LRP1B: variants seen among roughly 807,000 people sequenced by gnomAD.
LRP1B encodes the protein low-density lipoprotein receptor-related protein 1B.
LRP1B carries 217 observed loss-of-function variants against 556.6 expected under a neutral mutation model. That is an observed-to-expected ratio of 0.39 (90% CI 0.35 to 0.44). LRP1B has a LOEUF of 0.44. LRP1B is among the 20% of genes least tolerant of loss of function. LRP1B has a pLI of 1.00. For synonymous variants in LRP1B, 2,047 were observed against 1,865.8 expected, an observed-to-expected ratio of 1.10 and a Z score of -2.50; for missense variants, 5,053 against 5,620.8, an observed-to-expected ratio of 0.90 and a Z score of 3.23.
chr2:140,841,747 T>C (rs1692112055), intron 29 of LRP1B, among the ~76,000 whole-genome samples: 3 of 152,170 alleles, frequency 2.0e-5, no homozygotes, highest in Admixed American at 2.0e-4. Flanking sequence ...GAATTAGACA[T>C]CTTTTAAAAC....
chr2:141,212,073 C>T (rs1317165919), intron 6 of LRP1B, among the ~76,000 whole-genome samples: 1 of 151,704 alleles, frequency 6.6e-6, no homozygotes, highest in Non-Finnish European at 1.5e-5. Flanking sequence ...TATAAAATTG[C>T]AATTAATTAA....
intron 3 of LRP1B, among the ~76,000 whole-genome samples, chr2:141,265,078 G>A (rs558518141): frequency 1.6e-4 from 24 of 152,260 alleles, no homozygotes; most frequent in Admixed American, 5.2e-4. Flanking sequence ...AGATGAGAGG[G>A]GCCACAAACT....
intron 2 of LRP1B, among the ~76,000 whole-genome samples, chr2:141,584,281 T>C (rs1246166438): frequency 6.6e-6 from 1 of 151,912 alleles, no homozygotes; most frequent in East Asian, 1.9e-4. Flanking sequence ...TTTTTTCAAC[T>C]ACCATCTAGG....
chr2:141,235,348 A>G (rs1409981045), intron 5 of LRP1B, among the ~76,000 whole-genome samples: 1 of 152,142 alleles, frequency 6.6e-6, no homozygotes, highest in Admixed American at 6.6e-5. Context: ...ACAATCAAGT[A>G]GAAAGTTTAA....
Position 140,656,659 on chromosome 2 carries a change from A to G in LRP1B, c.6799+43591T>C, listed in dbSNP as rs187276165. 2.1e-4 allele frequency among the ~76,000 whole-genome samples: 32 copies of G among 152,194 alleles called. No individual in the cohort carries two copies. The East Asian group carries it at 5.0e-3, about 24-fold the overall frequency. ...CTTCTGATTTTTCTGCTTGTATTAG[A>G]TGTGCAAGTGTATGTCTGTGTATCT... On this transcript the variant is annotated intron_variant, in intron 41 of 90. Transcript: ENST00000389484.
chr2:140,475,440 C>T (rs946040070), intron 59 of LRP1B, 103 bp from the exon 60 acceptor site: 1 of 809,824 alleles, frequency 1.2e-6, no homozygotes, highest in Non-Finnish European at 1.8e-6. Flanking sequence ...ATTAATCTTG[C>T]CATTTTTCTG....
intron 67 of LRP1B, among the ~76,000 whole-genome samples, chr2:140,379,359 T>C (rs1683371993): frequency 6.6e-6 from 1 of 152,152 alleles, no homozygotes; most frequent in African/African-American, 2.4e-5. Flanking sequence ...AGTAACATCT[T>C]GATGGTTTGG....
intron 3 of LRP1B, among the ~76,000 whole-genome samples, chr2:141,298,409 T>G (rs1686262871): frequency 6.6e-6 from 1 of 152,122 alleles, no homozygotes. Context: ...ACCTGGAGAT[T>G]GAGTTCCAGA....
intron 23 of LRP1B, among the ~76,000 whole-genome samples, chr2:140,893,036 TAAAG>T (rs1028521152): frequency 1.3e-4 from 20 of 151,832 alleles, no homozygotes; most frequent in African/African-American, 4.8e-4. Flanking sequence ...GAAATAAAAG[TAAAG>T]AAAGAAAGAG....
chr2:140,384,027 G>A (rs1478295373), intron 67 of LRP1B, among the ~76,000 whole-genome samples: 10 of 152,168 alleles, frequency 6.6e-5, no homozygotes, highest in South Asian at 4.2e-4. Flanking sequence ...ATATTCAGCC[G>A]CTTAGAAAAC....
chr2:141,016,506 A>G (rs764117277), intron 12 of LRP1B, among the ~76,000 whole-genome samples: 1 of 152,028 alleles, frequency 6.6e-6, no homozygotes, highest in Admixed American at 6.6e-5. Flanking sequence ...ATTGCTGCTT[A>G]TTATTACCCC....
intron 82 of LRP1B, among the ~76,000 whole-genome samples, chr2:140,318,833 A>G (rs1246529463): frequency 6.6e-6 from 1 of 152,158 alleles, no homozygotes; most frequent in Non-Finnish European, 1.5e-5. Flanking sequence ...ATTACTAGAT[A>G]ATAAAATCTG....
At chr2:140,491,349 CAT>C (rs947647490) in intron 57 of LRP1B, among the ~76,000 whole-genome samples, 2 of 151,774 alleles carry the variant, frequency 1.3e-5, no homozygotes, top group African/African-American at 2.4e-5. Context: ...ATGTTATGTA[CAT>C]ATGTGTGTGT....
chr2:141,416,446 A>ATTTTTTT (rs34512949), intron 3 of LRP1B, among the ~76,000 whole-genome samples: 8 of 103,416 alleles, frequency 7.7e-5, no homozygotes, highest in African/African-American at 1.5e-4. Flanking sequence ...TTTGACAGCC[A>ATTTTTTT]TTTTTTTTTT....
At chr2:140,264,480 C>T (rs1682095437) in intron 86 of LRP1B, among the ~76,000 whole-genome samples, 1 of 152,082 alleles carries the variant, frequency 6.6e-6, no homozygotes, top group Non-Finnish European at 1.5e-5. Context: ...TCTTCAACTA[C>T]TAACCTCAAG....
intron 3 of LRP1B, among the ~76,000 whole-genome samples, chr2:141,292,983 G>C (rs1166604964): frequency 2.6e-5 from 4 of 151,982 alleles, no homozygotes; most frequent in African/African-American, 4.8e-5. Context: ...GGGGAAAGTG[G>C]GAATGGAATA....
At chr2:142,121,133 T>C (rs973607006) in intron 1 of LRP1B, among the ~76,000 whole-genome samples, 1 of 152,170 alleles carries the variant, frequency 6.6e-6, no homozygotes, top group Non-Finnish European at 1.5e-5. Context: ...CTTTCTAAAC[T>C]AAAAATGCAA....
At chr2:140,560,809 C>T (rs1052535516) in intron 43 of LRP1B, among the ~76,000 whole-genome samples, 1 of 152,130 alleles carries the variant, frequency 6.6e-6, no homozygotes, top group Non-Finnish European at 1.5e-5. Context: ...ACCAAAATAG[C>T]TCACACATTA....
intron 1 of LRP1B, among the ~76,000 whole-genome samples, chr2:142,111,925 C>T (rs1347153160): frequency 6.6e-6 from 1 of 151,958 alleles, no homozygotes; most frequent in Non-Finnish European, 1.5e-5. Context: ...AAAATATAAA[C>T]TTGAAGAGAT....
Sources: allele counts gnomAD v4.1 joint callset (sites outside exome capture counted in the v4.1 genomes callset), GRCh38; gene constraint gnomAD v4.1.1; transcripts MANE v1.5; gene names NCBI Gene and HGNC (gene_info 2026-07-23, HGNC 2026-07-21).